IMMP2L: variants seen among roughly 807,000 people sequenced by gnomAD.
The protein encoded by IMMP2L is mitochondrial inner membrane protease subunit 2.
Under a neutral mutation model 19.3 loss-of-function variants are expected in IMMP2L, and 18 were observed. That is an observed-to-expected ratio of 0.93 (90% confidence interval 0.64 to 1.38). The LOEUF is 1.38. Ranked by LOEUF, IMMP2L falls within the 40% of genes most tolerant of loss-of-function variation. IMMP2L has a pLI of 0.00. For missense variants in IMMP2L, 233 were observed against 218.2 expected (o/e 1.07, Z -0.43); for synonymous variants, 76 against 73.0 (o/e 1.04, Z -0.21).
intron 5 of IMMP2L, among the ~76,000 whole-genome samples, chr7:110,759,250 C>T (rs905772314): frequency 6.6e-6 from 1 of 152,068 alleles, no homozygotes; most frequent in Non-Finnish European, 1.5e-5. Flanking sequence ...CATACCTGTG[C>T]TATGACACTG....
chr7:111,433,165 C>T lies in IMMP2L; in HGVS notation c.239+54073G>A, dbSNP rs937657277. Reference sequence around the variant, plus strand: ...TGGCAGAAGACACCTCTTCACATGGCAGCAGGAGACAGAATGAGTGCCAGA... The same window carrying T: ...TGGCAGAAGACACCTCTTCACATGGTAGCAGGAGACAGAATGAGTGCCAGA... On this transcript the variant is annotated intron_variant, in intron 3 of 5. Coordinates refer to ENST00000405709, the MANE Select transcript of IMMP2L (RefSeq NM_032549.4). Among the ~76,000 whole-genome samples the T allele has an allele frequency of 2.0e-5, 3 of 151,800 alleles. No homozygotes were observed. In the East Asian group the frequency reaches 5.8e-4, roughly 29 times the overall value.
chr7:111,123,291 A>C lies in IMMP2L; in HGVS notation c.240-159726T>G. On this transcript the variant is annotated intron_variant, in intron 3 of 5. Transcript: ENST00000405709. The surrounding 1 kb of genome is among the most constrained non-coding windows in gnomAD (Gnocchi z 6.4). Reference sequence around the variant, plus strand: ...ATCTTCTTCGACTTCATCTCAATTCAAATAGATTGCAGATGATCAACAGTA... The same window carrying C: ...ATCTTCTTCGACTTCATCTCAATTCCAATAGATTGCAGATGATCAACAGTA... 6.2e-7 allele frequency: 1 copy of C among 1,613,838 alleles called. No individual in the cohort carries two copies. The highest frequency in any genetic ancestry group is 8.5e-7 in the Non-Finnish European group (1 of 1,179,916).
At chr7:111,036,499 C>A (rs1465444229) in intron 3 of IMMP2L, among the ~76,000 whole-genome samples, 1 of 152,094 alleles carries the variant, frequency 6.6e-6, no homozygotes, top group Non-Finnish European at 1.5e-5. Flanking sequence ...CTTTTTGACA[C>A]TTTAGAATTT....
At chr7:110,971,968 C>G (rs1317414229) in intron 3 of IMMP2L, among the ~76,000 whole-genome samples, 1 of 152,008 alleles carries the variant, frequency 6.6e-6, no homozygotes, top group Non-Finnish European at 1.5e-5. Context: ...TGCTCACTCT[C>G]CTGGAGAATG....
At chr7:110,733,639 T>A (rs1796424159) in intron 5 of IMMP2L, among the ~76,000 whole-genome samples, 1 of 152,170 alleles carries the variant, frequency 6.6e-6, no homozygotes, top group African/African-American at 2.4e-5. Flanking sequence ...TATGTTTGTG[T>A]ACCTCCAAAT....
At chr7:111,398,063 G>GT (rs1344470928) in intron 3 of IMMP2L, among the ~76,000 whole-genome samples, 1 of 151,966 alleles carries the variant, frequency 6.6e-6, no homozygotes, top group Non-Finnish European at 1.5e-5. Context: ...AGCTAATCAT[G>GT]TTTTTTTCAG....
intron 3 of IMMP2L, among the ~76,000 whole-genome samples, chr7:111,098,093 A>C (rs577646545): frequency 6.6e-6 from 1 of 151,870 alleles, no homozygotes; most frequent in East Asian, 1.9e-4. Flanking sequence ...AAGAACATAT[A>C]AACTTTGAAA....
intron 3 of IMMP2L, among the ~76,000 whole-genome samples, chr7:111,451,275 C>A (rs1382646922): frequency 1.3e-5 from 2 of 149,450 alleles, no homozygotes; most frequent in Non-Finnish European, 3.0e-5. Flanking sequence ...ATGTTTATTG[C>A]GGCATTATTC....
intron 4 of IMMP2L, among the ~76,000 whole-genome samples, chr7:110,919,829 C>T (rs963726990): frequency 4.6e-5 from 7 of 151,958 alleles, no homozygotes; most frequent in African/African-American, 1.7e-4. Context: ...AGGGTGTTGC[C>T]GAAGGAGATT....
intron 3 of IMMP2L, among the ~76,000 whole-genome samples, chr7:111,032,715 A>G (rs981924336): frequency 6.6e-6 from 1 of 152,128 alleles, no homozygotes; most frequent in African/African-American, 2.4e-5. Context: ...CTAGCTACTC[A>G]GGAGGCTGAG....
intron 4 of IMMP2L, among the ~76,000 whole-genome samples, chr7:110,920,611 T>A (rs1265231686): frequency 1.3e-5 from 2 of 152,224 alleles, no homozygotes; most frequent in East Asian, 3.8e-4. Flanking sequence ...TCTTATGTGT[T>A]TCTACATTTT....
chr7:110,934,236 G>T (rs1322875755), intron 4 of IMMP2L, among the ~76,000 whole-genome samples: 4 of 152,134 alleles, frequency 2.6e-5, no homozygotes, highest in Non-Finnish European at 5.9e-5. Flanking sequence ...TTTTGCATTT[G>T]CTGAGGAGTG....
At chr7:111,468,165 T>C (rs1199883387) in intron 3 of IMMP2L, among the ~76,000 whole-genome samples, 1 of 152,152 alleles carries the variant, frequency 6.6e-6, no homozygotes, top group South Asian at 2.1e-4. Flanking sequence ...TGTTTTCTTA[T>C]AAAAGTCAGC....
intron 3 of IMMP2L, among the ~76,000 whole-genome samples, chr7:111,238,874 T>C (rs1449290551): frequency 1.3e-5 from 2 of 151,978 alleles, no homozygotes; most frequent in Non-Finnish European, 2.9e-5. Flanking sequence ...TTATATCCTC[T>C]GAACCCTAAT....
At chr7:111,018,064 T>C (rs1331076589) in intron 3 of IMMP2L, among the ~76,000 whole-genome samples, 2 of 152,214 alleles carry the variant, frequency 1.3e-5, no homozygotes, top group African/African-American at 2.4e-5. Flanking sequence ...ACAGCTCTTC[T>C]TAAACTGTGT....
chr7:111,271,499 T>A (rs936122666), intron 3 of IMMP2L, among the ~76,000 whole-genome samples: 2 of 152,186 alleles, frequency 1.3e-5, no homozygotes, highest in African/African-American at 4.8e-5. Context: ...TCAGTGTACA[T>A]CAGAACCACA....
intron 3 of IMMP2L, among the ~76,000 whole-genome samples, chr7:111,066,784 G>T (rs551801864): frequency 6.6e-6 from 1 of 152,294 alleles, no homozygotes; most frequent in South Asian, 2.1e-4. Context: ...GGTCATGCTA[G>T]AGAGTCTACC....
At chr7:110,722,149 T>C (rs1442410742) in intron 5 of IMMP2L, among the ~76,000 whole-genome samples, 1 of 151,828 alleles carries the variant, frequency 6.6e-6, no homozygotes, top group Non-Finnish European at 1.5e-5. Flanking sequence ...TTGGAAAACA[T>C]AAGGACAACA....
At chr7:110,972,664 CAG>C (rs1384240879) in intron 3 of IMMP2L, among the ~76,000 whole-genome samples, 2 of 151,984 alleles carry the variant, frequency 1.3e-5, no homozygotes, top group Non-Finnish European at 2.9e-5. Context: ...AGAAGAAAAA[CAG>C]GGGAGATTTA....
Sources: allele counts gnomAD v4.1 joint callset (sites outside exome capture counted in the v4.1 genomes callset), GRCh38; gene constraint gnomAD v4.1.1; non-coding constraint Gnocchi (gnomAD v3.1); transcripts MANE v1.5; gene names NCBI Gene and HGNC (gene_info 2026-07-23, HGNC 2026-07-21).